PPP1R1C: variants seen among roughly 807,000 people sequenced by gnomAD.
PPP1R1C encodes protein phosphatase 1 regulatory inhibitor subunit 1C.
Under a neutral mutation model 17.4 loss-of-function variants are expected in PPP1R1C, and 15 were observed. The observed-to-expected ratio is 0.86, with a 90% CI of 0.58 to 1.33. The LOEUF is 1.33. Ranked by LOEUF, PPP1R1C falls within the 40% of genes most tolerant of loss-of-function variation. The pLI is 0.00. For synonymous variants in PPP1R1C, 35 were observed against 43.1 expected (o/e 0.81, Z 0.73); for missense variants, 143 against 130.0 (o/e 1.10, Z -0.48).
intron 2 of PPP1R1C, among the ~76,000 whole-genome samples, chr2:182,001,879 T>C (rs1404872232): frequency 6.6e-6 from 1 of 152,108 alleles, no homozygotes; most frequent in Non-Finnish European, 1.5e-5. Flanking sequence ...TCCCTCACCT[T>C]ATACACAAGG....
At chr2:182,007,369 T>C (rs1424439539) in intron 2 of PPP1R1C, among the ~76,000 whole-genome samples, 1 of 152,218 alleles carries the variant, frequency 6.6e-6, no homozygotes, top group East Asian at 1.9e-4. Flanking sequence ...ATACTACTAA[T>C]TCTATAGTTA....
chr2:182,092,654 C>T (rs925992158), intron 4 of PPP1R1C, among the ~76,000 whole-genome samples: 1 of 152,152 alleles, frequency 6.6e-6, no homozygotes, highest in African/African-American at 2.4e-5. Context: ...TAAATACAGC[C>T]ATTCCAAATG....
Position 182,117,261 on chromosome 2 carries a change from G to T in PPP1R1C, c.296G>T (p.Gly99Val), listed in dbSNP as rs1349513350. ...TCAGCATTCCCTGAAGAAGAAGAAG[G>T]CACCAATGAAAGAGAGGAGCAGCGG... ...NESAFPEEEE[G>V]TNEREEQRDH The change falls in exon 5 of 5, where the codon GGC becomes GTC. Residue 99 changes from glycine (G) to valine (V), a missense_variant. Gly to Val is a moderately radical substitution (Grantham distance 109). Coordinates refer to ENST00000682840, the MANE Select transcript of PPP1R1C (RefSeq NM_001080545.3). 6.4e-7 allele frequency: 1 copy of T among 1,564,460 alleles called. No individual in the cohort carries two copies.
intron 4 of PPP1R1C, among the ~76,000 whole-genome samples, chr2:182,078,357 C>T (rs770087244): frequency 3.9e-5 from 6 of 152,098 alleles, no homozygotes; most frequent in Non-Finnish European, 8.8e-5. Flanking sequence ...AAAGCAGGCT[C>T]TAGATAGAGT....
intron 4 of PPP1R1C, among the ~76,000 whole-genome samples, chr2:182,076,592 A>G (rs540713096): frequency 6.6e-6 from 1 of 152,142 alleles, no homozygotes; most frequent in South Asian, 2.1e-4. Context: ...ATGGTTAATG[A>G]AGTCAATCAG....
intron 4 of PPP1R1C, among the ~76,000 whole-genome samples, chr2:182,078,193 T>C (rs1688370823): frequency 6.6e-6 from 1 of 152,166 alleles, no homozygotes; most frequent in South Asian, 2.1e-4. Flanking sequence ...GAAAAATATG[T>C]CATTTTTGGT....
At chr2:181,980,616 G>A (rs1685174660) in intron 2 of PPP1R1C, among the ~76,000 whole-genome samples, 1 of 152,156 alleles carries the variant, frequency 6.6e-6, no homozygotes. Flanking sequence ...TCAACTCACT[G>A]CTATAGCATC....
chr2:182,029,941 T>C (rs1311546229), intron 2 of PPP1R1C, among the ~76,000 whole-genome samples: 1 of 66,736 alleles, frequency 1.5e-5, no homozygotes, highest in African/African-American at 6.1e-5. Flanking sequence ...TAAACTTCCC[T>C]TCTCGCTTCA....
At chr2:182,038,944 A>G (rs182519374) in intron 2 of PPP1R1C, among the ~76,000 whole-genome samples, 4 of 152,342 alleles carry the variant, frequency 2.6e-5, no homozygotes, top group Admixed American at 6.5e-5. Flanking sequence ...GGTTGTTTCA[A>G]AAGTCCTTAA....
chr2:181,997,883 A>G (rs1174828511), intron 2 of PPP1R1C, among the ~76,000 whole-genome samples: 1 of 152,148 alleles, frequency 6.6e-6, no homozygotes, highest in Non-Finnish European at 1.5e-5. Flanking sequence ...TAATCACTAA[A>G]CCACACAACG....
intron 4 of PPP1R1C, among the ~76,000 whole-genome samples, chr2:182,093,171 C>T (rs769326043): frequency 2.0e-5 from 3 of 152,192 alleles, no homozygotes; most frequent in Non-Finnish European, 4.4e-5. Flanking sequence ...GACTTCTGTA[C>T]ACTATCAGGC....
At chr2:181,985,484 C>G (rs1685273323), upstream of PPP1R1C, among the ~76,000 whole-genome samples, 4 of 152,178 alleles carry the variant, frequency 2.6e-5, no homozygotes, top group South Asian at 6.2e-4. This position sits in a 1 kb window ranked among gnomAD's most constrained non-coding sequence, Gnocchi z 4.1. Flanking sequence ...GATCTTATAG[C>G]ATAAACATAG....
chr2:182,022,506 C>G (rs1686457552), intron 2 of PPP1R1C, among the ~76,000 whole-genome samples: 1 of 152,280 alleles, frequency 6.6e-6, no homozygotes, highest in Middle Eastern at 3.4e-3. Context: ...TAGACTCTAT[C>G]CCAACTCAGA....
intron 2 of PPP1R1C, among the ~76,000 whole-genome samples, chr2:181,999,387 C>T (rs1394986035): frequency 6.6e-6 from 1 of 152,116 alleles, no homozygotes; most frequent in East Asian, 1.9e-4. Context: ...CTCCATTTTA[C>T]AGAGAGAGGG....
intron 4 of PPP1R1C, among the ~76,000 whole-genome samples, chr2:182,102,740 A>G (rs1292437106): frequency 1.3e-5 from 2 of 152,216 alleles, no homozygotes; most frequent in Admixed American, 1.3e-4. Context: ...TAAATGTAAT[A>G]TATGTATGCT....
intron 4 of PPP1R1C, among the ~76,000 whole-genome samples, chr2:182,103,024 A>G (rs1439939563): frequency 1.3e-5 from 2 of 152,056 alleles, no homozygotes; most frequent in East Asian, 3.9e-4. Flanking sequence ...GGCTGGTCTC[A>G]AACTCCTGGG....
At chr2:182,088,793 T>A (rs2125219102) in intron 4 of PPP1R1C, among the ~76,000 whole-genome samples, 1 of 152,354 alleles carries the variant, frequency 6.6e-6, no homozygotes, top group Admixed American at 6.5e-5. Flanking sequence ...TTAAGACTAA[T>A]ACAAACCAAT....
chr2:182,098,215 GA>G (rs960651111), intron 4 of PPP1R1C, among the ~76,000 whole-genome samples: 1 of 150,996 alleles, frequency 6.6e-6, no homozygotes, highest in Non-Finnish European at 1.5e-5. Context: ...CAGCAGCCTA[GA>G]AAAAAAAATT....
rs1337695332 is a variant in PPP1R1C, at chr2:182,035,286, A to T, written c.143-26156A>T. Among the ~76,000 whole-genome samples, 4 of 152,242 alleles carry T rather than the reference A, an allele frequency of 2.6e-5. No homozygotes were observed. In the South Asian group the frequency reaches 8.3e-4, roughly 31 times the overall value. On this transcript the variant is annotated intron_variant, in intron 2 of 4. Transcript: ENST00000682840. ...TACAAAGCTGCTTTTACATTCAAAC[A>T]TTCAAATGCCTAAGTAAAATATTTT...
Sources: allele counts gnomAD v4.1 joint callset (sites outside exome capture counted in the v4.1 genomes callset), GRCh38; gene constraint gnomAD v4.1.1; non-coding constraint Gnocchi (gnomAD v3.1); transcripts MANE v1.5; gene names NCBI Gene and HGNC (gene_info 2026-07-23, HGNC 2026-07-21).